ATG7: variants seen among roughly 807,000 people sequenced by gnomAD.
ATG7 encodes the protein ubiquitin-like modifier-activating enzyme ATG7.
ATG7 carries 70 observed loss-of-function variants against 82.4 expected under a neutral mutation model. The ratio of observed to expected loss-of-function variants is 0.85; its 90% CI spans 0.70 to 1.04. ATG7 has a LOEUF of 1.04. ATG7 is among the 50% of genes least tolerant of loss of function. The pLI is 0.00. For synonymous variants in ATG7, 287 were observed against 313.0 expected, an observed-to-expected ratio of 0.92 and a Z score of 0.88; for missense variants, 792 against 864.3, an observed-to-expected ratio of 0.92 and a Z score of 1.05.
At chr3:11,548,723 A>G (rs1363483048) in intron 20 of ATG7, among the ~76,000 whole-genome samples, 1 of 152,234 alleles carries the variant, frequency 6.6e-6, no homozygotes, top group Non-Finnish European at 1.5e-5. Flanking sequence ...TTTCAGGGCC[A>G]CAGTAGTCCA....
intron 19 of ATG7, among the ~76,000 whole-genome samples, chr3:11,398,255 T>TG: frequency 6.6e-6 from 1 of 152,270 alleles, no homozygotes; most frequent in South Asian, 2.1e-4. Context: ...CTGCACCTAA[T>TG]TTGAAAAGAA....
intron 20 of ATG7, among the ~76,000 whole-genome samples, chr3:11,482,548 C>T (rs1412242779): frequency 6.6e-6 from 1 of 152,162 alleles, no homozygotes; most frequent in Non-Finnish European, 1.5e-5. Flanking sequence ...CCCTGCTCCA[C>T]CTGGGTCTAG....
chr3:11,273,367 C>G (rs908999384), intron 1 of ATG7, among the ~76,000 whole-genome samples: 30 of 152,202 alleles, frequency 2.0e-4, no homozygotes, highest in African/African-American at 6.0e-4. Context: ...GGTCCTCCCC[C>G]AGTTCTGACT....
At chr3:11,442,441 T>C (rs2084069817) in intron 20 of ATG7, among the ~76,000 whole-genome samples, 1 of 152,128 alleles carries the variant, frequency 6.6e-6, no homozygotes, top group African/African-American at 2.4e-5. Flanking sequence ...AAACTAGATT[T>C]TTTTCATAAA....
rs746323066 is a variant in ATG7 at position 11,313,290 on chromosome 3, A to G, written c.412-14A>G. The G allele has an allele frequency of 1.3e-6, 2 of 1,531,164 alleles. No individual in the cohort carries two copies. The highest frequency in any genetic ancestry group is 1.8e-6 in the Non-Finnish European group (2 of 1,112,808). The allele number at this position is 1,531,164 out of a possible 1,614,324, so 94.8% of individuals were successfully genotyped here. A position where few individuals can be genotyped will look rare whatever the true frequency, so the allele number is the denominator to read the frequency against. Reference sequence around the variant, plus strand: ...GGTGCTATTCTAATAACTTATTTATACTTTTTTTTCTAGGATCTAAAGAAG... The same window carrying G: ...GGTGCTATTCTAATAACTTATTTATGCTTTTTTTTCTAGGATCTAAAGAAG... On this transcript the variant is annotated splice_polypyrimidine_tract_variant and intron_variant, in intron 7 of 20. Coordinates refer to ENST00000693202, the MANE Select transcript of ATG7 (RefSeq NM_001349232.2).
intron 20 of ATG7, among the ~76,000 whole-genome samples, chr3:11,446,019 G>T (rs946972306): frequency 5.9e-5 from 9 of 152,026 alleles, no homozygotes; most frequent in African/African-American, 2.2e-4. Flanking sequence ...AGCACAGTAG[G>T]ATGACCTAGT....
At chr3:11,355,881 A>G (rs1229453719) in intron 14 of ATG7, among the ~76,000 whole-genome samples, 2 of 152,224 alleles carry the variant, frequency 1.3e-5, no homozygotes, top group Non-Finnish European at 2.9e-5. Flanking sequence ...ATATACATGA[A>G]AATACTTATA....
At chr3:11,330,921 C>T (rs1488459565) in intron 9 of ATG7, among the ~76,000 whole-genome samples, 2 of 152,178 alleles carry the variant, frequency 1.3e-5, no homozygotes, top group African/African-American at 4.8e-5. Context: ...TGTACACTTA[C>T]ATTGGTAGTG....
chr3:11,425,212 C>T (rs1259398686), intron 19 of ATG7, among the ~76,000 whole-genome samples: 2 of 152,188 alleles, frequency 1.3e-5, no homozygotes, highest in African/African-American at 4.8e-5. Flanking sequence ...AGTCCTCCTG[C>T]CTTGGCCACC....
chr3:11,530,422 T>G (rs1437107377), intron 20 of ATG7, among the ~76,000 whole-genome samples: 2 of 151,992 alleles, frequency 1.3e-5, no homozygotes, highest in Non-Finnish European at 2.9e-5. Flanking sequence ...GAGTGTAGCT[T>G]CCAGACTGTC....
At chr3:11,274,654 G>T (rs1025085098) in intron 1 of ATG7, among the ~76,000 whole-genome samples, 1 of 152,098 alleles carries the variant, frequency 6.6e-6, no homozygotes, top group African/African-American at 2.4e-5. Flanking sequence ...TAGACTTTGG[G>T]ATCCAAGATA....
chr3:11,546,554 C>T (rs1277168230), intron 20 of ATG7, among the ~76,000 whole-genome samples: 1 of 152,184 alleles, frequency 6.6e-6, no homozygotes, highest in African/African-American at 2.4e-5. Context: ...AAGGTAATTA[C>T]AGTGTTTATA....
chr3:11,446,141 A>T (rs757387866), intron 20 of ATG7, among the ~76,000 whole-genome samples: 119 of 150,944 alleles, frequency 7.9e-4, no homozygotes, highest in Admixed American at 1.3e-3. Flanking sequence ...TGCTAAATAA[A>T]AGTATTGGCT....
At chr3:11,399,852 G>A (rs1177332939) in intron 19 of ATG7, among the ~76,000 whole-genome samples, 12 of 152,186 alleles carry the variant, frequency 7.9e-5, no homozygotes, top group African/African-American at 2.7e-4. Flanking sequence ...GGGATTACAC[G>A]TGAGCCACAG....
At chr3:11,355,131 G>T (rs2075845840) in intron 14 of ATG7, among the ~76,000 whole-genome samples, 1 of 152,174 alleles carries the variant, frequency 6.6e-6, no homozygotes, top group African/African-American at 2.4e-5. Context: ...CTCACAGCAC[G>T]ACTCTCGTCA....
chr3:11,370,260 T>G (rs553737933), intron 18 of ATG7, among the ~76,000 whole-genome samples: 2 of 151,248 alleles, frequency 1.3e-5, no homozygotes, highest in East Asian at 3.9e-4. Context: ...TTGGGAAGAT[T>G]TGCTCCATTC....
intron 20 of ATG7, among the ~76,000 whole-genome samples, chr3:11,457,253 C>A (rs765751928): frequency 3.9e-5 from 6 of 152,138 alleles, no homozygotes; most frequent in Non-Finnish European, 5.9e-5. Flanking sequence ...TTCCCAAACT[C>A]TTGCGGCGGG....
chr3:11,288,588 A>C (rs2152666430), intron 3 of ATG7: 1 of 152,260 alleles, frequency 6.6e-6, no homozygotes, highest in East Asian at 1.9e-4. Context: ...TTTAAGAGGC[A>C]AAAAAGGTCA....
chr3:11,469,988 CAAAAAAAAAA>C (rs10628540), intron 20 of ATG7, among the ~76,000 whole-genome samples: 4 of 87,574 alleles, frequency 4.6e-5, no homozygotes, highest in Non-Finnish European at 6.6e-5. Context: ...GACTCCATCT[CAAAAAAAAAA>C]AAAAAAAAAA....
Sources: gnomAD v4.1 joint callset for allele counts (sites outside exome capture counted in the v4.1 genomes callset) on GRCh38, gnomAD v4.1.1 for gene constraint, MANE v1.5 for transcripts, NCBI Gene and HGNC (gene_info 2026-07-23, HGNC 2026-07-21) for gene names.